NPAS3: variants seen among roughly 807,000 people sequenced by gnomAD.
The protein encoded by NPAS3 is neuronal PAS domain protein 3.
A neutral mutation model predicts 73.1 loss-of-function variants in NPAS3; 14 were observed. That is an observed-to-expected ratio of 0.19 (90% confidence interval 0.13 to 0.30). The LOEUF (loss-of-function observed/expected upper bound fraction) is 0.30, where lower values mean the gene tolerates loss of function less well. NPAS3 is among the 10% of genes least tolerant of loss of function. NPAS3 has a pLI of 1.00. For missense variants in NPAS3, 1,096 were observed against 1,250.0 expected (o/e 0.88, Z 1.86); for synonymous variants, 620 against 541.5 (o/e 1.14, Z -2.01).
At chr14:33,618,310 A>T (rs1158680580) in intron 5 of NPAS3, among the ~76,000 whole-genome samples, 1 of 152,104 alleles carries the variant, frequency 6.6e-6, no homozygotes, top group Non-Finnish European at 1.5e-5. Flanking sequence ...ATATAATTAA[A>T]TAACTATACA....
intron 3 of NPAS3, among the ~76,000 whole-genome samples, chr14:33,364,305 C>T (rs2045737005): frequency 6.6e-6 from 1 of 152,166 alleles, no homozygotes. Flanking sequence ...CTTTAGTTAT[C>T]AGATTATTGT....
Position 32,997,796 on chromosome 14 carries a change from C to T in NPAS3, c.51-58109C>T, listed in dbSNP as rs539339441. Among the ~76,000 whole-genome samples, 54 of 151,948 alleles carry T rather than the reference C, an allele frequency of 3.6e-4. 2 individuals carry two copies. The South Asian group carries it at 0.011, about 32-fold the overall frequency. ...AAAAAAAAAGATGTGACTTGCTCCTCCTTGCCTTCCACCATGATTGTGAGG... is the reference window on the plus strand; with the variant it reads ...AAAAAAAAAGATGTGACTTGCTCCTTCTTGCCTTCCACCATGATTGTGAGG... On this transcript the variant is annotated intron_variant, in intron 1 of 11. Transcript: ENST00000356141.
intron 1 of NPAS3, among the ~76,000 whole-genome samples, chr14:33,025,952 T>C (rs1471450244): frequency 1.3e-5 from 2 of 152,206 alleles, no homozygotes; most frequent in East Asian, 3.9e-4. Context: ...GTAGGTTCCA[T>C]AGGGAATTGT....
intron 1 of NPAS3, among the ~76,000 whole-genome samples, chr14:33,003,986 C>T (rs1959169): frequency 0.8 from 121,664 of 152,106 alleles, 48,806 homozygotes; most frequent in Non-Finnish European, 0.84. Flanking sequence ...GAATCCTGGT[C>T]ATAGCACCTA....
intron 2 of NPAS3, among the ~76,000 whole-genome samples, chr14:33,147,604 A>G (rs892632616): frequency 2.0e-5 from 3 of 151,658 alleles, no homozygotes; most frequent in Non-Finnish European, 4.4e-5. Flanking sequence ...GAGGGATAGC[A>G]TTAGGAGATA....
intron 3 of NPAS3, among the ~76,000 whole-genome samples, chr14:33,244,898 T>C (rs2048327522): frequency 6.6e-6 from 1 of 152,198 alleles, no homozygotes; most frequent in Non-Finnish European, 1.5e-5. Context: ...GACAAGTGGT[T>C]TTCCTCTAGG....
chr14:33,691,850 G>C (rs576037864), intron 6 of NPAS3, among the ~76,000 whole-genome samples: 3 of 152,190 alleles, frequency 2.0e-5, no homozygotes, highest in Non-Finnish European at 4.4e-5. Context: ...AAATAGATAA[G>C]AGCATTCAGC....
In NPAS3 at chr14:33,357,788, T is replaced by C. The variant is rs531039013; in HGVS notation, c.386-9398T>C. ...CTTGCTAGTGGGAGAGACAACACTA[T>C]GCAGATAAGCTCCAGGAGAACAATT... On this transcript the variant is annotated intron_variant, in intron 3 of 11. Transcript: ENST00000356141. Among the ~76,000 whole-genome samples, 4 of 152,286 alleles carry C rather than the reference T, an allele frequency of 2.6e-5. No individual in the cohort carries two copies. The South Asian group carries it at 6.2e-4, about 24-fold the overall frequency.
chr14:33,565,202 T>C (rs1018381090), intron 5 of NPAS3, among the ~76,000 whole-genome samples: 2 of 152,236 alleles, frequency 1.3e-5, no homozygotes, highest in African/African-American at 4.8e-5. Flanking sequence ...GCCATGCAGA[T>C]ATATTTGCCA....
At chr14:33,676,707 T>G (rs184141266) in intron 6 of NPAS3, among the ~76,000 whole-genome samples, 1 of 152,340 alleles carries the variant, frequency 6.6e-6, no homozygotes, top group East Asian at 1.9e-4. Flanking sequence ...CATGGCTAAA[T>G]GTAATGCGTT....
intron 1 of NPAS3, among the ~76,000 whole-genome samples, chr14:33,010,951 A>G (rs945261997): frequency 2.1e-5 from 2 of 94,800 alleles, no homozygotes; most frequent in African/African-American, 5.6e-5. Flanking sequence ...AAAAAAAAAA[A>G]AAAAGAAAAG....
chr14:33,354,697 T>A (rs954766707), intron 3 of NPAS3, among the ~76,000 whole-genome samples: 1 of 152,170 alleles, frequency 6.6e-6, no homozygotes, highest in Non-Finnish European at 1.5e-5. Context: ...TTACTCAATG[T>A]CCTATCACAG....
intron 4 of NPAS3, among the ~76,000 whole-genome samples, chr14:33,379,377 TACA>T (rs1354054533): frequency 6.6e-6 from 1 of 152,222 alleles, no homozygotes; most frequent in Non-Finnish European, 1.5e-5. Context: ...ATCATAAGGT[TACA>T]TGTCAAATAG....
chr14:33,496,856 C>A (rs2052223094), intron 4 of NPAS3, among the ~76,000 whole-genome samples: 1 of 152,066 alleles, frequency 6.6e-6, no homozygotes, highest in African/African-American at 2.4e-5. Context: ...CCAGGGCAGT[C>A]AGGCAAGAGA....
chr14:32,957,668 G>T (rs1038533864), intron 1 of NPAS3, among the ~76,000 whole-genome samples: 3 of 152,006 alleles, frequency 2.0e-5, no homozygotes, highest in Admixed American at 1.3e-4. Flanking sequence ...CACCGCACCC[G>T]GCCTAAGTAT....
chr14:32,960,488 CCAAGAA>C (rs1177469126), intron 1 of NPAS3, among the ~76,000 whole-genome samples: 2 of 152,130 alleles, frequency 1.3e-5, no homozygotes, highest in African/African-American at 4.8e-5. Context: ...TGACAAATTA[CCAAGAA>C]CACCACAGTG....
intron 2 of NPAS3, among the ~76,000 whole-genome samples, chr14:33,161,043 T>C (rs929317657): frequency 6.6e-6 from 1 of 152,006 alleles, no homozygotes; most frequent in African/African-American, 2.4e-5. Context: ...AGATAACAGA[T>C]ACTTTAGTAT....
chr14:33,261,353 A>G (rs973232547), intron 3 of NPAS3, among the ~76,000 whole-genome samples: 2 of 152,000 alleles, frequency 1.3e-5, no homozygotes, highest in African/African-American at 2.4e-5. Flanking sequence ...GGGCACTTGT[A>G]TAAGCTATTC....
chr14:33,450,281 G>A (rs2049730973), intron 4 of NPAS3, among the ~76,000 whole-genome samples: 1 of 152,090 alleles, frequency 6.6e-6, no homozygotes, highest in Non-Finnish European at 1.5e-5. Flanking sequence ...GGTGCCGTGT[G>A]GTAGGTTCTG....
Sources: gnomAD v4.1 joint callset for allele counts (sites outside exome capture counted in the v4.1 genomes callset) on GRCh38, gnomAD v4.1.1 for gene constraint, MANE v1.5 for transcripts, NCBI Gene and HGNC (gene_info 2026-07-23, HGNC 2026-07-21) for gene names.